The following KASH5 variants were observed in gnomAD, a reference collection of about 807,000 sequenced individuals.
KASH5 encodes the protein KASH domain containing 5, also known as protein KASH5.
Under a neutral mutation model 84.2 loss-of-function variants are expected in KASH5, and 72 were observed. That is an observed-to-expected ratio of 0.85 (90% CI 0.71 to 1.04). The LOEUF (loss-of-function observed/expected upper bound fraction) is 1.04, where lower values mean the gene tolerates loss of function less well. KASH5 is among the 50% of genes least tolerant of loss of function. KASH5 has a pLI of 0.00. For synonymous variants in KASH5, 260 were observed against 279.1 expected, an observed-to-expected ratio of 0.93 and a Z score of 0.68; for missense variants, 650 against 701.0, an observed-to-expected ratio of 0.93 and a Z score of 0.82.
At position 49,407,223 on chromosome 19, in the gene KASH5, G is replaced by A. The variant is rs769352429; in HGVS notation, c.877-17G>A. ...TCCTGGGAGGCTGGATGGATGGACCGGCTCCTTTCTTGGCAGCGGCAGCTC... is the reference window on the plus strand; with the variant it reads ...TCCTGGGAGGCTGGATGGATGGACCAGCTCCTTTCTTGGCAGCGGCAGCTC... On this transcript the variant is annotated splice_polypyrimidine_tract_variant and intron_variant, in intron 10 of 19. Coordinates refer to ENST00000447857, the MANE Select transcript of KASH5 (RefSeq NM_144688.5). 4.2e-5 allele frequency: 68 copies of A among 1,612,898 alleles called. No individual in the cohort carries two copies. The highest frequency in any genetic ancestry group is 6.6e-5 in the South Asian group (6 of 91,062).
chr19:49,402,549 A>G (rs1169524850), intron 9 of KASH5, among the ~76,000 whole-genome samples: 1 of 152,010 alleles, frequency 6.6e-6, no homozygotes, highest in Non-Finnish European at 1.5e-5. Context: ...TCTACTAAAA[A>G]TATAAAAATT....
Position 49,409,237 on chromosome 19 carries a change from A to G in KASH5, c.1100A>G (p.Glu367Gly). The G allele has an allele frequency of 6.2e-7, 1 of 1,613,940 alleles. No individual in the cohort carries two copies. Among genetic ancestry groups the G allele is most frequent in the South Asian group, 1.1e-5 (1 of 91,080 alleles). The part of the protein sequence containing the change: ...GAQLRRVGWT[E>G]LLPPSLGLEI... ...CAGCTGAGAAGAGTGGGCTGGACCG[A>G]GCTGCTACCCCCATCGCTGGGCTTG... Residue 367 changes from glutamate to glycine, a missense_variant, in exon 14 of 20, where the codon GAG becomes GGG. Physicochemically the swap from Glu to Gly is moderately conservative, Grantham distance 98. Transcript: ENST00000447857.
At chr19:49,391,325 C>G (rs1230099002) in intron 2 of KASH5, among the ~76,000 whole-genome samples, 1 of 152,188 alleles carries the variant, frequency 6.6e-6, no homozygotes, top group Non-Finnish European at 1.5e-5. Context: ...CCTGCTAGAG[C>G]ATGAGCTCCA....
In KASH5 at chr19:49,409,868, G is replaced by T. The variant is rs1320355446; in HGVS notation, c.1262G>T (p.Gly421Val). Residue 421 changes from glycine to valine, a missense_variant, in exon 15 of 20, where the codon GGG (glycine) becomes GTG (valine). Coordinates refer to ENST00000447857, the MANE Select transcript of KASH5 (RefSeq NM_144688.5). ...ETEFPSEAPAGGQRNFQGEPA... is the reference protein window; with the variant it reads ...ETEFPSEAPAVGQRNFQGEPA... The stretch of plus-strand genomic sequence containing the variant: ...GAGTTTCCATCTGAAGCCCCAGCTG[G>T]GGGACAGGTGAGCACAGGAAAAGCT... 6.2e-7 allele frequency: 1 copy of T among 1,613,588 alleles called. No homozygotes were observed. Among genetic ancestry groups the T allele is most frequent in the Non-Finnish European group, 8.5e-7 (1 of 1,179,692 alleles).
At chr19:49,415,076 GCC>G in intron 17 of KASH5, 80 bp downstream of exon 17, 1 of 1,368,088 alleles carries the variant, frequency 7.3e-7, no homozygotes, top group Non-Finnish European at 1.0e-6. Context: ...CTCTTCCCAA[GCC>G]CCAGCCTCAC....
chr19:49,398,618 C>T (rs1974263286), intron 7 of KASH5, among the ~76,000 whole-genome samples: 1 of 152,198 alleles, frequency 6.6e-6, no homozygotes, highest in African/African-American at 2.4e-5. Flanking sequence ...ATCCTCCCGC[C>T]TTATCCTCCC....
At position 49,399,612 on chromosome 19, in the gene KASH5, A is replaced by C; in HGVS notation, c.798+105A>C. The stretch of plus-strand genomic sequence containing the variant: ...CACCCCAGCAGCCTGTCTTGGGGAG[A>C]CCTCAGAATGTCAGTAGTGTGGGAA... On this transcript the variant is annotated intron_variant, in intron 9 of 19. Coordinates refer to ENST00000447857, the MANE Select transcript of KASH5 (RefSeq NM_144688.5). The surrounding 1 kb of genome is among the most constrained non-coding windows in gnomAD (Gnocchi z 4.4). 1 of 1,545,076 alleles carries C rather than the reference A, an allele frequency of 6.5e-7. No homozygotes were observed.
In KASH5 at chr19:49,417,576, G is replaced by A. The variant is rs1285395127; in HGVS notation, c.*66G>A. 2 of 1,451,844 alleles carry A rather than the reference G, an allele frequency of 1.4e-6. No individual in the cohort carries two copies. Among genetic ancestry groups the A allele is most frequent in the East Asian group, 2.5e-5 (1 of 39,832 alleles). 89.9% of individuals were successfully genotyped at this position (1,451,844 alleles called of 1,614,324 possible). A position where few individuals can be genotyped will look rare whatever the true frequency, so the allele number is the denominator to read the frequency against. On this transcript the variant is annotated 3_prime_UTR_variant, in exon 20 of 20. Coordinates refer to ENST00000447857, the MANE Select transcript of KASH5 (RefSeq NM_144688.5). This position sits in a 1 kb window ranked among gnomAD's most constrained non-coding sequence, Gnocchi z 5.2. ...AATCCCCTGGCCCTCTCTCCACTGG[G>A]ATCCCCATTGTTAGTCCACTGTTGC...
intron 9 of KASH5, among the ~76,000 whole-genome samples, chr19:49,405,956 CA>C (rs59895865): frequency 0.27 from 18,418 of 67,828 alleles, 1,260 homozygotes; most frequent in Non-Finnish European, 0.32. Flanking sequence ...AACTCCGTCT[CA>C]AAAAAAAAAA....
In KASH5 at chr19:49,409,110, TG is replaced by T. The variant is rs1345550246; in HGVS notation, c.1058+82del. The stretch of plus-strand genomic sequence containing the variant: ...GACACCCTGGCCTCCAGCCCCAAGG[TG>T]GGCAGGGAAGGGAGGCCAGCATGAG... On this transcript the variant is annotated intron_variant, in intron 13 of 19. Coordinates refer to ENST00000447857, the MANE Select transcript of KASH5 (RefSeq NM_144688.5). 4 of 1,582,288 alleles carry T rather than the reference TG, an allele frequency of 2.5e-6. No homozygotes were observed. The African/African-American group carries it at 5.4e-5, about 21-fold the overall frequency.
Position 49,407,061 on chromosome 19 carries a change from T to G in KASH5, c.876+98T>G, listed in dbSNP as rs529750728. 3.0e-6 allele frequency: 4 copies of G among 1,339,944 alleles called. No individual in the cohort carries two copies. The South Asian group carries it at 3.8e-5, about 13-fold the overall frequency. 83.0% of individuals were successfully genotyped at this position (1,339,944 alleles called of 1,614,324 possible). On this transcript the variant is annotated intron_variant, in intron 10 of 19. Transcript: ENST00000447857. ...ACTGCAGCCTGATAAGGGCAGGGTC[T>G]TCCATCAAGCTGTCAGGCTCCCAGG...
rs182310162 is a variant in KASH5, at chr19:49,399,607, G to C, written c.798+100G>C. On this transcript the variant is annotated intron_variant, in intron 9 of 19. Coordinates refer to ENST00000447857, the MANE Select transcript of KASH5 (RefSeq NM_144688.5). This position sits in a 1 kb window ranked among gnomAD's most constrained non-coding sequence, Gnocchi z 4.4. ...CCCAACACCCCAGCAGCCTGTCTTG[G>C]GGAGACCTCAGAATGTCAGTAGTGT... The C allele has an allele frequency of 3.2e-6, 5 of 1,548,160 alleles. No individual in the cohort carries two copies. In the African/African-American group the frequency reaches 6.8e-5, roughly 21 times the overall value.
At chr19:49,404,819 T>G (rs956334706) in intron 9 of KASH5, among the ~76,000 whole-genome samples, 1 of 152,180 alleles carries the variant, frequency 6.6e-6, no homozygotes, top group Admixed American at 6.5e-5. Context: ...CAATTTGATA[T>G]GTATAGCACC....
intron 6 of KASH5, 109 bp downstream of exon 6, chr19:49,397,826 G>A (rs1172174954): frequency 5.5e-6 from 8 of 1,463,516 alleles, no homozygotes; most frequent in African/African-American, 1.4e-5. Context: ...AATGAGGGAC[G>A]GGGCTTTGCT....
rs988811860 is a variant in KASH5, at chr19:49,409,284, G to GT, written c.1146+2dup. Reference sequence around the variant, plus strand: ...CTTGGAGATCGAGGCCATTCGACAGGTGGGCCTAACACCCCTGGAATAAGC... The same window carrying GT: ...CTTGGAGATCGAGGCCATTCGACAGGTTGGGCCTAACACCCCTGGAATAAGC... On this transcript the variant is annotated splice_donor_variant, in intron 14 of 19. Transcript: ENST00000447857. LOFTEE classifies it high-confidence loss of function. The GT allele has an allele frequency of 7.4e-6, 12 of 1,613,336 alleles. No homozygotes were observed. Among genetic ancestry groups the GT allele is most frequent in the Non-Finnish European group, 1.0e-5 (12 of 1,179,758 alleles).
Position 49,390,894 on chromosome 19 carries a change from C to T in KASH5, c.11C>T (p.Pro4Leu). 1.2e-6 allele frequency: 2 copies of T among 1,600,894 alleles called. No homozygotes were observed. The highest frequency in any genetic ancestry group is 1.7e-6 in the Non-Finnish European group (2 of 1,174,916). MDL[P>L]EGPVGGPTAE... Reference sequence around the variant, plus strand: ...CGGCAGGGGTGGCCCATGGACCTGCCCGAGGGCCCGGTGGGTGGCCCCACT... The same window carrying T: ...CGGCAGGGGTGGCCCATGGACCTGCTCGAGGGCCCGGTGGGTGGCCCCACT... Residue 4 changes from proline to leucine, a missense_variant, in exon 2 of 20, where the codon CCC becomes CTC. Pro to Leu is a moderately conservative substitution (Grantham distance 98). Transcript: ENST00000447857.
At chr19:49,400,212 A>G (rs1235266152) in intron 9 of KASH5, among the ~76,000 whole-genome samples, 9 of 130,164 alleles carry the variant, frequency 6.9e-5, no homozygotes, top group African/African-American at 2.7e-4. Context: ...TGGATGACAG[A>G]GCGAGAGCCT....
intron 16 of KASH5, 89 bp downstream of exon 16, chr19:49,413,115 C>A: frequency 7.7e-7 from 1 of 1,297,218 alleles, no homozygotes; most frequent in South Asian, 1.2e-5. Context: ...CTGAGGGGAT[C>A]GGCATTCATT....
chr19:49,411,661 C>T (rs1033318211), intron 15 of KASH5, among the ~76,000 whole-genome samples: 6 of 151,930 alleles, frequency 3.9e-5, no homozygotes, highest in African/African-American at 1.5e-4. Context: ...GTGCAACCTG[C>T]GATGGGCCCA....
Sources: allele counts gnomAD v4.1 joint callset (sites outside exome capture counted in the v4.1 genomes callset), GRCh38; gene constraint gnomAD v4.1.1; non-coding constraint Gnocchi (gnomAD v3.1); transcripts MANE v1.5; gene names NCBI Gene and HGNC (gene_info 2026-07-23, HGNC 2026-07-21).